The following NTM variants were observed in gnomAD, a reference collection of about 807,000 sequenced individuals.
NTM encodes the protein neurotrimin.
A neutral mutation model predicts 42.1 loss-of-function variants in NTM; 13 were observed. That is an observed-to-expected ratio of 0.31 (90% CI 0.20 to 0.49). NTM has a LOEUF of 0.49. NTM is among the 20% of genes least tolerant of loss of function. The pLI, the probability that NTM is intolerant of heterozygous loss-of-function variation, is 0.99. For synonymous variants in NTM, 187 were observed against 179.2 expected (o/e 1.04, Z -0.35); for missense variants, 373 against 452.8 (o/e 0.82, Z 1.60).
intron 2 of NTM, among the ~76,000 whole-genome samples, chr11:132,082,931 G>C (rs2059270305): frequency 6.6e-6 from 1 of 152,154 alleles, no homozygotes; most frequent in African/African-American, 2.4e-5. Context: ...CTGCTGGCAG[G>C]CTCAGATAAC....
intron 2 of NTM, among the ~76,000 whole-genome samples, chr11:132,078,541 C>G (rs528617998): frequency 6.6e-6 from 1 of 152,322 alleles, no homozygotes; most frequent in South Asian, 2.1e-4. Flanking sequence ...TGGAGGGGAA[C>G]TGGGAGTCTG....
rs947086494 is a variant in NTM, at chr11:131,625,380, G to A, written c.82+254492G>A. On this transcript the variant is annotated intron_variant, in intron 1 of 8. Transcript: ENST00000683400. ...GGCAGAGGAAGGAACAGGTGCCTTC[G>A]GGATTCAGAGTTAATCAAATCCACA... Among the ~76,000 whole-genome samples the A allele has an allele frequency of 3.9e-5, 6 of 152,056 alleles. No individual in the cohort carries two copies. The South Asian group carries it at 8.3e-4, about 21-fold the overall frequency.
At chr11:132,140,653 T>TGAA (rs1203426066) in intron 2 of NTM, among the ~76,000 whole-genome samples, 1 of 152,228 alleles carries the variant, frequency 6.6e-6, no homozygotes, top group African/African-American at 2.4e-5. Context: ...AGCTGATATC[T>TGAA]GAATGTTCAG....
chr11:132,236,476 A>G (rs1394383411), intron 4 of NTM, among the ~76,000 whole-genome samples: 1 of 152,176 alleles, frequency 6.6e-6, no homozygotes, highest in Non-Finnish European at 1.5e-5. Context: ...CTTGGGAGGA[A>G]TATACACCTC....
intron 1 of NTM, among the ~76,000 whole-genome samples, chr11:131,879,175 G>C (rs1467076517): frequency 1.3e-5 from 2 of 152,066 alleles, no homozygotes; most frequent in African/African-American, 2.4e-5. Flanking sequence ...TGTGTATTCA[G>C]GCTTCTCATT....
chr11:131,515,803 C>A (rs961926078), intron 1 of NTM, among the ~76,000 whole-genome samples: 1 of 152,146 alleles, frequency 6.6e-6, no homozygotes, highest in African/African-American at 2.4e-5. Flanking sequence ...AGGGAGATTG[C>A]ACATACAAAG....
chr11:132,214,344 T>C (rs970123163), intron 4 of NTM, among the ~76,000 whole-genome samples: 4 of 152,076 alleles, frequency 2.6e-5, no homozygotes, highest in Admixed American at 1.3e-4. Context: ...ATCATCAGGG[T>C]AAGCTTCCTG....
At chr11:131,790,562 GC>G (rs2090787651) in intron 1 of NTM, among the ~76,000 whole-genome samples, 1 of 152,124 alleles carries the variant, frequency 6.6e-6, no homozygotes, top group Non-Finnish European at 1.5e-5. Flanking sequence ...CCCCTTCTAG[GC>G]TTCCTGGTCA....
chr11:131,615,488 C>T (rs2061835508), intron 1 of NTM, among the ~76,000 whole-genome samples: 1 of 152,110 alleles, frequency 6.6e-6, no homozygotes, highest in African/African-American at 2.4e-5. Flanking sequence ...GTCTTAGCCT[C>T]TTGAGTAGCT....
At chr11:132,267,672 C>T (rs892123518) in intron 4 of NTM, among the ~76,000 whole-genome samples, 16 of 151,762 alleles carry the variant, frequency 1.1e-4, no homozygotes, top group East Asian at 9.7e-4. Context: ...AAAAATTATC[C>T]GGGCATGGTG....
intron 1 of NTM, among the ~76,000 whole-genome samples, chr11:131,730,721 A>AAAAAAAAAAAAAAAAAAAAAAAAAAAAG (rs113412896): frequency 2.3e-4 from 31 of 134,360 alleles, no homozygotes; most frequent in South Asian, 5.1e-4. Context: ...CTATCTGTTA[A>AAAAAAAAAAAAAAAAAAAAAAAAAAAAG]AAGAAGAAGA....
At chr11:132,152,009 G>A (rs1236059994) in intron 3 of NTM, among the ~76,000 whole-genome samples, 3 of 152,098 alleles carry the variant, frequency 2.0e-5, no homozygotes, top group African/African-American at 7.2e-5. Flanking sequence ...TGAATAATTA[G>A]TTGACCTTGT....
chr11:131,451,983 C>A (rs980732726), intron 1 of NTM, among the ~76,000 whole-genome samples: 1 of 152,208 alleles, frequency 6.6e-6, no homozygotes, highest in African/African-American at 2.4e-5. Context: ...GAGACACCCT[C>A]CCGCTCTCCG....
At position 132,088,293 on chromosome 11, in the gene NTM, G is replaced by A. The variant is rs529174651; in HGVS notation, c.168-57989G>A. Reference sequence around the variant, plus strand: ...CCCCTGCTCTCAGAAAAAGTCTGAGGATGAGAAAGCTCAGAAATGAAAGGG... The same window carrying A: ...CCCCTGCTCTCAGAAAAAGTCTGAGAATGAGAAAGCTCAGAAATGAAAGGG... On this transcript the variant is annotated intron_variant, in intron 2 of 8. Coordinates refer to ENST00000683400, the MANE Select transcript of NTM (RefSeq NM_001352005.2). 2.0e-5 allele frequency among the ~76,000 whole-genome samples: 3 copies of A among 152,280 alleles called. No individual in the cohort carries two copies. The South Asian group carries it at 6.2e-4, about 32-fold the overall frequency.
At chr11:132,223,112 T>C (rs1555322806) in intron 4 of NTM, among the ~76,000 whole-genome samples, 1 of 152,228 alleles carries the variant, frequency 6.6e-6, no homozygotes, top group African/African-American at 2.4e-5. Flanking sequence ...GAAAACCTTT[T>C]GGTAAAGCAA....
intron 1 of NTM, among the ~76,000 whole-genome samples, chr11:131,822,327 G>A (rs928321347): frequency 5.9e-5 from 9 of 152,000 alleles, no homozygotes; most frequent in Admixed American, 3.9e-4. Flanking sequence ...AGACTCTCAC[G>A]CAGCTTTCTT....
chr11:132,036,827 C>G (rs943970515), intron 2 of NTM, among the ~76,000 whole-genome samples: 1 of 152,130 alleles, frequency 6.6e-6, no homozygotes, highest in Admixed American at 6.6e-5. Context: ...CTGAAGATGT[C>G]TAACATAGGT....
intron 1 of NTM, among the ~76,000 whole-genome samples, chr11:131,482,474 C>T (rs1199850148): frequency 6.6e-6 from 1 of 152,206 alleles, no homozygotes; most frequent in Non-Finnish European, 1.5e-5. Flanking sequence ...ACCTGTTTGG[C>T]TCTGGTGTTC....
At chr11:131,855,186 C>A (rs934644841) in intron 1 of NTM, among the ~76,000 whole-genome samples, 1 of 152,110 alleles carries the variant, frequency 6.6e-6, no homozygotes, top group Non-Finnish European at 1.5e-5. Flanking sequence ...AAGCGGAGGA[C>A]TTTTTACCCA....
Sources: gnomAD v4.1 joint callset for allele counts (sites outside exome capture counted in the v4.1 genomes callset) on GRCh38, gnomAD v4.1.1 for gene constraint, MANE v1.5 for transcripts, NCBI Gene and HGNC (gene_info 2026-07-23, HGNC 2026-07-21) for gene names.